The following ENTPD7 variants were observed in gnomAD, a reference collection of about 807,000 sequenced individuals.
ENTPD7 encodes NTPDase 7.
In ENTPD7, 53 loss-of-function variants were observed where a neutral mutation model predicts 77.9. The observed-to-expected ratio is 0.68, with a 90% CI of 0.55 to 0.85. The LOEUF (loss-of-function observed/expected upper bound fraction) is 0.85. ENTPD7 is among the 40% of genes least tolerant of loss of function. The pLI is 0.00. For synonymous variants in ENTPD7, 248 were observed against 274.9 expected (o/e 0.90, Z 0.97); for missense variants, 636 against 743.7 (o/e 0.86, Z 1.68).
At chr10:99,666,233 A>G (rs932273487) in intron 3 of ENTPD7, among the ~76,000 whole-genome samples, 8 of 151,520 alleles carry the variant, frequency 5.3e-5, no homozygotes, top group Non-Finnish European at 8.8e-5. Context: ...TTTGAAACAG[A>G]GTCTCACTCT....
At chr10:99,665,115 G>A (rs986618225) in intron 3 of ENTPD7, among the ~76,000 whole-genome samples, 4 of 152,084 alleles carry the variant, frequency 2.6e-5, no homozygotes, top group Non-Finnish European at 5.9e-5. Flanking sequence ...AGCCAGGCAT[G>A]GTAGCATGCA....
rs997003874 is a variant in ENTPD7 at position 99,709,473 on chromosome 10, A to T, written c.*4790A>T. ...GGATTTTCCTGGTGTTACAAAAAAT[A>T]TTGCTGTTAAAAAACTAAGACTCAA... On this transcript the variant is annotated 3_prime_UTR_variant, in exon 13 of 13. Transcript: ENST00000370489. 2.0e-6 allele frequency: 2 copies of T among 985,330 alleles called. No individual in the cohort carries two copies. The highest frequency in any genetic ancestry group is 3.5e-5 in the African/African-American group (2 of 57,254). 61.0% of individuals were successfully genotyped at this position (985,330 alleles called of 1,614,324 possible). A position where few individuals can be genotyped will look rare whatever the true frequency, so the allele number is the denominator to read the frequency against.
chr10:99,703,323 C>T (rs539051519), intron 12 of ENTPD7, among the ~76,000 whole-genome samples: 153 of 152,248 alleles, frequency 1.0e-3, no homozygotes, highest in African/African-American at 3.4e-3. Flanking sequence ...AACTCAATAC[C>T]GTCAGCAGCC....
intron 3 of ENTPD7, among the ~76,000 whole-genome samples, chr10:99,664,971 C>A (rs2035530418): frequency 1.3e-5 from 2 of 151,870 alleles, no homozygotes; most frequent in Admixed American, 6.6e-5. Flanking sequence ...CAGCAGACTG[C>A]CGGGCATGGT....
chr10:99,665,209 C>T (rs1171807035), intron 3 of ENTPD7, among the ~76,000 whole-genome samples: 2 of 150,320 alleles, frequency 1.3e-5, no homozygotes, highest in African/African-American at 2.5e-5. Flanking sequence ...GCTGGGATCA[C>T]GCCATTGTAC....
In ENTPD7 at chr10:99,710,472, G is replaced by A; in HGVS notation, c.*5789G>A. 1.0e-6 allele frequency: 1 copy of A among 985,376 alleles called. No individual in the cohort carries two copies. Among genetic ancestry groups the A allele is most frequent in the Non-Finnish European group, 1.2e-6 (1 of 829,928 alleles). 61.0% of individuals were successfully genotyped at this position (985,376 alleles called of 1,614,324 possible). On this transcript the variant is annotated 3_prime_UTR_variant, in exon 13 of 13. Transcript: ENST00000370489. The stretch of plus-strand genomic sequence containing the variant: ...TCTACACTTTAAAAAACCAAAGGCT[G>A]CCTGTATTACATTGCTTTGGGGAGT...
At chr10:99,687,899 G>T (rs913693603) in intron 6 of ENTPD7, among the ~76,000 whole-genome samples, 1 of 152,040 alleles carries the variant, frequency 6.6e-6, no homozygotes, top group African/African-American at 2.4e-5. Flanking sequence ...AGGGCCAAGC[G>T]GTAGGAGGAC....
intron 11 of ENTPD7, 77 bp from the exon 12 acceptor site, chr10:99,702,435 A>G: frequency 7.9e-7 from 1 of 1,271,752 alleles, no homozygotes; most frequent in Non-Finnish European, 1.1e-6. Context: ...TTGTGGGAAT[A>G]CGGAGTGGCT....
intron 5 of ENTPD7, among the ~76,000 whole-genome samples, chr10:99,680,765 C>A (rs571235500): frequency 5.3e-5 from 8 of 151,730 alleles, no homozygotes; most frequent in Non-Finnish European, 8.8e-5. Context: ...TTTTGTGGAG[C>A]CAGGTTTCAC....
rs768883678 is a variant in ENTPD7 at position 99,685,852 on chromosome 10, C to T, written c.609C>T (p.Leu203=). 3 of 1,613,936 alleles carry T rather than the reference C, an allele frequency of 1.9e-6. No individual in the cohort carries two copies. The highest frequency in any genetic ancestry group is 4.5e-5 in the East Asian group (2 of 44,864). ...VKDLPLEFDF[L]FSQSQAEVIS... ...ATTTACCACTGGAGTTTGACTTCCTCTTTTCACAGTCTCAAGCAGAAGTGA... is the reference window on the plus strand; with the variant it reads ...ATTTACCACTGGAGTTTGACTTCCTTTTTTCACAGTCTCAAGCAGAAGTGA... The change falls in exon 6 of 13, where the codon CTC becomes CTT. Residue 203 remains leucine, a synonymous_variant. Coordinates refer to ENST00000370489, the MANE Select transcript of ENTPD7 (RefSeq NM_020354.5).
chr10:99,710,360 T>TGAA lies in ENTPD7; in HGVS notation c.*5679_*5681dup, dbSNP rs1357415417. 3.3e-5 allele frequency: 33 copies of TGAA among 985,336 alleles called. No individual in the cohort carries two copies. Among genetic ancestry groups the TGAA allele is most frequent in the Non-Finnish European group, 3.7e-5 (31 of 829,940 alleles). The allele number at this position is 985,336 out of a possible 1,614,324, so 61.0% of individuals were successfully genotyped here. ...CACAATTACCCTTTAGTTGAAGTCC[T>TGAA]GAAGTACATGCCATGTACTCCCCCT... On this transcript the variant is annotated 3_prime_UTR_variant, in exon 13 of 13. Coordinates refer to ENST00000370489, the MANE Select transcript of ENTPD7 (RefSeq NM_020354.5).
intron 12 of ENTPD7, 24 bp downstream of exon 12, chr10:99,702,697 G>C: frequency 6.3e-7 from 1 of 1,584,472 alleles, no homozygotes; most frequent in South Asian, 1.2e-5. Flanking sequence ...GACCAATCTG[G>C]TATCTTGAGC....
rs1406464413 is a variant in ENTPD7, at chr10:99,685,807, C to A, written c.564C>A (p.Ile188=). 3 of 1,613,592 alleles carry A rather than the reference C, an allele frequency of 1.9e-6. No individual in the cohort carries two copies. Residue 188 remains isoleucine, a synonymous_variant, in exon 6 of 13, where the codon ATC becomes ATA. Transcript: ENST00000370489. ...TTTCTTGCAGGAAGCAGTTGGCTAT[C>A]TTGGCTGACCTAGTGAAAGATTTAC... ...RLLPERKQLA[I]LADLVKDLPL...
At chr10:99,704,358 A>C in intron 12 of ENTPD7, 94 bp from the exon 13 acceptor site, 1 of 1,223,690 alleles carries the variant, frequency 8.2e-7, no homozygotes, top group Non-Finnish European at 1.2e-6. Context: ...GATGGAATAA[A>C]TGTGATAACA....
rs1345839187 is a variant in ENTPD7, at chr10:99,670,109, T to C, written c.191+8481T>C. On this transcript the variant is annotated intron_variant, in intron 3 of 12. Transcript: ENST00000370489. ...GTGCCACATAAGACATGCTCCAATA[T>C]TTTCTTCAGACTCAATACATATCTT... Among the ~76,000 whole-genome samples, 3 of 152,312 alleles carry C rather than the reference T, an allele frequency of 2.0e-5. No individual in the cohort carries two copies. The East Asian group carries it at 5.8e-4, about 29-fold the overall frequency.
At chr10:99,702,461 T>G in intron 11 of ENTPD7, 51 bp from the exon 12 acceptor site, 1 of 1,454,050 alleles carries the variant, frequency 6.9e-7, no homozygotes, top group Non-Finnish European at 9.2e-7. Flanking sequence ...CAAAGGAAAG[T>G]ATTAGAATTC....
At chr10:99,680,610 CAG>C (rs1420980434) in intron 5 of ENTPD7, among the ~76,000 whole-genome samples, 1 of 151,678 alleles carries the variant, frequency 6.6e-6, no homozygotes, top group Non-Finnish European at 1.5e-5. Flanking sequence ...TTTTTAGAGA[CAG>C]GGTCTGCTCT....
intron 9 of ENTPD7, among the ~76,000 whole-genome samples, 196 bp downstream of exon 9, chr10:99,696,318 G>A (rs1223420497): frequency 1.3e-5 from 2 of 152,158 alleles, no homozygotes. Context: ...TCTGATCTTT[G>A]TTATTAGGAC....
intron 2 of ENTPD7, 138 bp downstream of exon 2, chr10:99,660,102 G>A: frequency 7.4e-7 from 1 of 1,342,926 alleles, no homozygotes; most frequent in Non-Finnish European, 1.0e-6. Context: ...GTTGGATGCA[G>A]AGACGATCAA....
Sources: allele counts gnomAD v4.1 joint callset (sites outside exome capture counted in the v4.1 genomes callset), GRCh38; gene constraint gnomAD v4.1.1; transcripts MANE v1.5; gene names NCBI Gene and HGNC (gene_info 2026-07-23, HGNC 2026-07-21).